Variants in PMEPA1 observed in about 807,000 individuals in gnomAD.
PMEPA1 encodes the protein protein TMEPAI.
PMEPA1 carries 11 observed loss-of-function variants against 23.0 expected under a neutral mutation model. That is an observed-to-expected ratio of 0.48 (90% CI 0.30 to 0.79). The LOEUF (loss-of-function observed/expected upper bound fraction) is 0.79, where lower values mean the gene tolerates loss of function less well. Ranked by LOEUF, PMEPA1 falls within the 30% of genes least tolerant of loss-of-function variation. The probability of loss-of-function intolerance (pLI) is 0.06; values close to 1 mark genes in which losing one functional copy is unlikely to be tolerated. For missense variants in PMEPA1, 377 were observed against 390.9 expected, an observed-to-expected ratio of 0.96 and a Z score of 0.30; for synonymous variants, 204 against 166.4, an observed-to-expected ratio of 1.23 and a Z score of -1.74.
At chr20:57,696,784 G>A (rs2071947735) in intron 1 of PMEPA1, among the ~76,000 whole-genome samples, 1 of 152,252 alleles carries the variant, frequency 6.6e-6, no homozygotes. Flanking sequence ...TCACTAGAGT[G>A]AAAGGGAATG....
At chr20:57,688,189 C>T (rs1430637324) in intron 1 of PMEPA1, among the ~76,000 whole-genome samples, 1 of 152,224 alleles carries the variant, frequency 6.6e-6, no homozygotes, top group African/African-American at 2.4e-5. Flanking sequence ...AAGATTTCTC[C>T]GTTTTCCTCC....
In PMEPA1 at chr20:57,648,853, G is replaced by A. The variant is rs1386952745; in HGVS notation, c.*3200C>T. 2 of 152,128 alleles carry A rather than the reference G, an allele frequency of 1.3e-5. No homozygotes were observed. The highest frequency in any genetic ancestry group is 2.4e-5 in the African/African-American group (1 of 41,428). The allele number at this position is 152,128 out of a possible 1,614,324, so 9.4% of individuals were successfully genotyped here. ...ATAGGAAAAAAAATTTCTCTGAAAC[G>A]TACAATTCATAGGGACGACCAATGA... On this transcript the variant is annotated 3_prime_UTR_variant, in exon 4 of 4. Coordinates refer to ENST00000341744, the MANE Select transcript of PMEPA1 (RefSeq NM_020182.5).
intron 1 of PMEPA1, among the ~76,000 whole-genome samples, chr20:57,661,271 G>A (rs1050580606): frequency 1.3e-5 from 2 of 152,188 alleles, no homozygotes; most frequent in South Asian, 2.1e-4. Flanking sequence ...GGTCTGTGCC[G>A]AAGCGGCCTC....
intron 1 of PMEPA1, among the ~76,000 whole-genome samples, chr20:57,694,233 T>C (rs1160724881): frequency 2.0e-5 from 3 of 152,224 alleles, no homozygotes; most frequent in Non-Finnish European, 4.4e-5. Context: ...CACGAGGGAC[T>C]TGGGACACAG....
At position 57,683,095 on chromosome 20, in the gene PMEPA1, T is replaced by C. The variant is rs2071742795; in HGVS notation, c.110-23398A>G. On this transcript the variant is annotated intron_variant, in intron 1 of 3. Transcript: ENST00000341744. This position sits in a 1 kb window ranked among gnomAD's most constrained non-coding sequence, Gnocchi z 4.3. ...GTCTCCGGGGGCATTTACGCCACACTTGTCCTTAAGCTCAGATCTCCCTGA... is the reference window on the plus strand; with the variant it reads ...GTCTCCGGGGGCATTTACGCCACACCTGTCCTTAAGCTCAGATCTCCCTGA... Among the ~76,000 whole-genome samples the C allele has an allele frequency of 6.6e-6, 1 of 152,218 alleles. No homozygotes were observed. The highest frequency in any genetic ancestry group is 1.5e-5 in the Non-Finnish European group (1 of 68,038).
chr20:57,668,546 TCA>T (rs1308416971), intron 1 of PMEPA1, among the ~76,000 whole-genome samples: 1 of 152,160 alleles, frequency 6.6e-6, no homozygotes, highest in Non-Finnish European at 1.5e-5. Context: ...GCATCCAAAC[TCA>T]CAGTGGGTGG....
intron 1 of PMEPA1, among the ~76,000 whole-genome samples, chr20:57,687,647 C>T (rs2071819064): frequency 6.6e-6 from 1 of 152,128 alleles, no homozygotes; most frequent in Admixed American, 6.5e-5. Context: ...GGGTGGTTGA[C>T]CTGAAAAGAA....
intron 1 of PMEPA1, among the ~76,000 whole-genome samples, chr20:57,687,220 C>T (rs917797824): frequency 1.3e-5 from 2 of 152,194 alleles, no homozygotes; most frequent in Non-Finnish European, 2.9e-5. Flanking sequence ...TTAAGGGGTT[C>T]AACTGAGCGA....
chr20:57,690,594 AT>A, intron 1 of PMEPA1: 1 of 1,233,348 alleles, frequency 8.1e-7, no homozygotes, highest in Admixed American at 2.7e-5. Flanking sequence ...GTAGAGGGTC[AT>A]GTGCAAACAG....
In PMEPA1 at chr20:57,686,778, C is replaced by A. The variant is rs140614564; in HGVS notation, c.109+22696G>T. Among the ~76,000 whole-genome samples, 109 of 152,366 alleles carry A rather than the reference C, an allele frequency of 7.2e-4. 1 individual carries two copies. The highest frequency in any genetic ancestry group is 2.5e-3 in the African/African-American group (102 of 41,590). Reference sequence around the variant, plus strand: ...GCAATGAAGAGGAGATGACAGTGCACACCAAAGAGTGGAGCTCAGTGCTGG... The same window carrying A: ...GCAATGAAGAGGAGATGACAGTGCAAACCAAAGAGTGGAGCTCAGTGCTGG... On this transcript the variant is annotated intron_variant, in intron 1 of 3. Transcript: ENST00000341744.
At chr20:57,684,302 G>A (rs574558327) in intron 1 of PMEPA1, among the ~76,000 whole-genome samples, 1 of 152,176 alleles carries the variant, frequency 6.6e-6, no homozygotes, top group Non-Finnish European at 1.5e-5. Context: ...TAGCTGGGAG[G>A]GGGGCAGGGT....
At position 57,655,787 on chromosome 20, in the gene PMEPA1, G is replaced by T. The variant is rs1408957468; in HGVS notation, c.265-2701C>A. ...CCACCTGCGCCTTCCCCATTTAGAT[G>T]CTTCTAGACCAAGGGTCTGAAAACT... On this transcript the variant is annotated intron_variant, in intron 2 of 3. Transcript: ENST00000341744. This position sits in a 1 kb window ranked among gnomAD's most constrained non-coding sequence, Gnocchi z 4.2. Among the ~76,000 whole-genome samples, 1 of 152,202 alleles carries T rather than the reference G, an allele frequency of 6.6e-6. No homozygotes were observed. Among genetic ancestry groups the T allele is most frequent in the African/African-American group, 2.4e-5 (1 of 41,450 alleles).
In PMEPA1 at chr20:57,694,443, A is replaced by G. The variant is rs149759674; in HGVS notation, c.109+15031T>C. ...TATATTTTTCCTAACATACATTCAC[A>G]TGAGTACGGAACTATTAAATTTTAA... On this transcript the variant is annotated intron_variant, in intron 1 of 3. Transcript: ENST00000341744. Among the ~76,000 whole-genome samples the G allele has an allele frequency of 8.1e-3, 1,227 of 152,356 alleles. 6 individuals are homozygous for G. Among genetic ancestry groups the G allele is most frequent in the Non-Finnish European group, 0.012 (814 of 68,040 alleles).
intron 1 of PMEPA1, among the ~76,000 whole-genome samples, chr20:57,666,021 G>A (rs553351497): frequency 2.6e-5 from 4 of 152,182 alleles, no homozygotes; most frequent in South Asian, 2.1e-4. Context: ...TGGAGGGCCC[G>A]GGGGCTCCTG....
intron 2 of PMEPA1, among the ~76,000 whole-genome samples, chr20:57,657,945 GT>G (rs1858335528): frequency 6.6e-6 from 1 of 152,208 alleles, no homozygotes; most frequent in Admixed American, 6.5e-5. Context: ...CCTCCCCACA[GT>G]TCCCAGCCTG....
At chr20:57,677,303 C>T (rs1014981420) in intron 1 of PMEPA1, among the ~76,000 whole-genome samples, 3 of 152,126 alleles carry the variant, frequency 2.0e-5, no homozygotes, top group Admixed American at 2.0e-4. Context: ...GTTTGAGGAT[C>T]GTAAAGAACC....
At position 57,659,525 on chromosome 20, in the gene PMEPA1, G is replaced by C; in HGVS notation, c.264+18C>G. On this transcript the variant is annotated intron_variant, in intron 2 of 3. Coordinates refer to ENST00000341744, the MANE Select transcript of PMEPA1 (RefSeq NM_020182.5). ...CTGCCGCACCCTCAGGCCACAGATG[G>C]GATGGCGGGGCACTTACTGAGGACA... 6.2e-7 allele frequency: 1 copy of C among 1,611,552 alleles called. No individual in the cohort carries two copies. Among genetic ancestry groups the C allele is most frequent in the Non-Finnish European group, 8.5e-7 (1 of 1,178,268 alleles).
At chr20:57,663,870 T>C (rs2146654065) in intron 1 of PMEPA1, among the ~76,000 whole-genome samples, 1 of 152,136 alleles carries the variant, frequency 6.6e-6, no homozygotes, top group East Asian at 1.9e-4. Context: ...GAAATCTCCA[T>C]CCAGCTCCAG....
At chr20:57,687,361 G>C (rs1236454197) in intron 1 of PMEPA1, among the ~76,000 whole-genome samples, 1 of 152,174 alleles carries the variant, frequency 6.6e-6, no homozygotes, top group South Asian at 2.1e-4. Context: ...TTAACAGAGG[G>C]ACCCCAAGGC....
Sources: gnomAD v4.1 joint callset for allele counts (sites outside exome capture counted in the v4.1 genomes callset) on GRCh38, gnomAD v4.1.1 for gene constraint, Gnocchi (gnomAD v3.1) non-coding constraint, MANE v1.5 for transcripts, NCBI Gene and HGNC (gene_info 2026-07-23, HGNC 2026-07-21) for gene names.